Variants in CEP41 observed in about 807,000 individuals in gnomAD.
The protein encoded by CEP41 is centrosomal protein 41, also known as centrosomal protein of 41 kDa.
In CEP41, 32 loss-of-function variants were observed where a neutral mutation model predicts 44.3. That is an observed-to-expected ratio of 0.72 (90% CI 0.54 to 0.97). The LOEUF is 0.97. Among genes scored for constraint, CEP41 ranks in the 50% least tolerant of loss-of-function variants. The pLI is 0.00. For synonymous variants in CEP41, 151 were observed against 168.5 expected, an observed-to-expected ratio of 0.90 and a Z score of 0.80; for missense variants, 432 against 455.2, an observed-to-expected ratio of 0.95 and a Z score of 0.46.
At chr7:130,423,659 T>G (rs1554422740) in intron 2 of CEP41, among the ~76,000 whole-genome samples, 2 of 152,196 alleles carry the variant, frequency 1.3e-5, no homozygotes, top group Admixed American at 1.3e-4. Context: ...ACACATAAAT[T>G]TGTACACTGA....
chr7:130,419,850 G>A (rs1797448090), intron 2 of CEP41: 3 of 985,040 alleles, frequency 3.0e-6, no homozygotes, highest in Non-Finnish European at 3.6e-6. Flanking sequence ...TCCCTCCTCT[G>A]AGCCTCTATA....
intron 1 of CEP41, among the ~76,000 whole-genome samples, chr7:130,432,074 C>T (rs1554425224): frequency 6.6e-6 from 1 of 151,998 alleles, no homozygotes; most frequent in African/African-American, 2.4e-5. Context: ...GCCAATAGTG[C>T]CTAGGTTGGT....
intron 1 of CEP41, among the ~76,000 whole-genome samples, chr7:130,437,764 C>CAAAAAAAAAAAAAA (rs1171735164): frequency 3.1e-5 from 1 of 32,404 alleles, no homozygotes; most frequent in Non-Finnish European, 6.0e-5. Context: ...AAGACTGTCT[C>CAAAAAAAAAAAAAA]AAAAAAAAAA....
intron 3 of CEP41, among the ~76,000 whole-genome samples, chr7:130,414,268 C>A (rs1797270723): frequency 6.6e-6 from 1 of 152,300 alleles, no homozygotes; most frequent in South Asian, 2.1e-4. Flanking sequence ...AGGTAACAAA[C>A]CTATATGCAG....
intron 5 of CEP41, chr7:130,410,865 G>T: frequency 1.8e-6 from 1 of 543,754 alleles, no homozygotes; most frequent in East Asian, 3.2e-5. Context: ...AATATTTGTT[G>T]AAAAAAGTAA....
intron 6 of CEP41, among the ~76,000 whole-genome samples, chr7:130,403,940 ATCAG>A (rs1351363513): frequency 6.6e-6 from 1 of 152,200 alleles, no homozygotes; most frequent in Non-Finnish European, 1.5e-5. Flanking sequence ...GAACTATTTT[ATCAG>A]TCAAAGGGAT....
intron 2 of CEP41, among the ~76,000 whole-genome samples, chr7:130,423,293 C>T (rs782504916): frequency 6.6e-6 from 1 of 152,142 alleles, no homozygotes; most frequent in Non-Finnish European, 1.5e-5. Flanking sequence ...AATAACCCAA[C>T]ATAAATATGG....
At chr7:130,427,693 T>C (rs184591946) in intron 2 of CEP41, among the ~76,000 whole-genome samples, 1 of 152,336 alleles carries the variant, frequency 6.6e-6, no homozygotes, top group African/African-American at 2.4e-5. Context: ...TACTGAACAA[T>C]GGTTTTGATT....
Position 130,404,854 on chromosome 7 carries a change from TGTAGTGG to T in CEP41, c.278-153_278-147del. The T allele has an allele frequency of 4.2e-6, 3 of 719,224 alleles. No individual in the cohort carries two copies. In the South Asian group the frequency reaches 4.8e-5, roughly 11 times the overall value. 44.6% of individuals were successfully genotyped at this position (719,224 alleles called of 1,614,324 possible). A position where few individuals can be genotyped will look rare whatever the true frequency, so the allele number is the denominator to read the frequency against. ...AGTGCTAACGTACAAGTTCCCAAAG[TGTAGTGG>T]ACCCCAAACATCCCCAAGGCCCTTT... On this transcript the variant is annotated intron_variant, in intron 5 of 10. Transcript: ENST00000223208.
Position 130,404,623 on chromosome 7 carries a change from G to A in CEP41, c.363C>T (p.Ser121=). The stretch of plus-strand genomic sequence containing the variant: ...CTGCGTTGTTTATGAACTGCTCAGG[G>A]CTCGGCGACTGCTCACCTGGATTTC... ...GKGNPGEQSP[S]PEQFINNAGA... Residue 121 remains serine, a synonymous_variant, in exon 6 of 11, where the codon AGC becomes AGT. Coordinates refer to ENST00000223208, the MANE Select transcript of CEP41 (RefSeq NM_018718.3). 1.2e-6 allele frequency: 2 copies of A among 1,613,524 alleles called. No individual in the cohort carries two copies. Among genetic ancestry groups the A allele is most frequent in the East Asian group, 4.5e-5 (2 of 44,872 alleles).
intron 3 of CEP41, among the ~76,000 whole-genome samples, chr7:130,414,593 A>C (rs1295761747): frequency 6.6e-6 from 1 of 152,214 alleles, no homozygotes; most frequent in East Asian, 1.9e-4. Context: ...CAAAAAAAAG[A>C]CTGCTTTATT....
chr7:130,415,843 T>C (rs1353370332), intron 3 of CEP41, among the ~76,000 whole-genome samples: 1 of 152,160 alleles, frequency 6.6e-6, no homozygotes, highest in Non-Finnish European at 1.5e-5. Context: ...ATATATTTTA[T>C]ATAGATATTT....
At chr7:130,420,016 A>C (rs1797454796) in intron 2 of CEP41, 1 of 985,220 alleles carries the variant, frequency 1.0e-6, no homozygotes. Context: ...CATAGGAGAC[A>C]CTCAAAAATA....
chr7:130,410,589 A>C (rs1198351998), intron 5 of CEP41, among the ~76,000 whole-genome samples: 3 of 152,176 alleles, frequency 2.0e-5, no homozygotes, highest in South Asian at 2.1e-4. Context: ...CCTTCCTTCC[A>C]GAGTTTTTAA....
In CEP41 at chr7:130,395,901, A is replaced by C. The variant is rs1238770297; in HGVS notation, c.*2990T>G. The C allele has an allele frequency of 4.5e-6, 2 of 441,842 alleles. No homozygotes were observed. The highest frequency in any genetic ancestry group is 2.0e-5 in the African/African-American group (1 of 49,016). The allele number at this position is 441,842 out of a possible 1,614,324, so 27.4% of individuals were successfully genotyped here. ...AGGTTAAAAAAAAAAAAAAAGATAAAAGATAAAATGAATGCAGGCCATTTA... is the reference window on the plus strand; with the variant it reads ...AGGTTAAAAAAAAAAAAAAAGATAACAGATAAAATGAATGCAGGCCATTTA... On this transcript the variant is annotated 3_prime_UTR_variant, in exon 11 of 11. Transcript: ENST00000223208.
chr7:130,394,969 G>A lies in CEP41; in HGVS notation c.*3922C>T, dbSNP rs1397821937. ...GTTACACAGGTGAGAATTTGCTTCT[G>A]TACAGAACAAAGAGGATCAGCAACA... On this transcript the variant is annotated 3_prime_UTR_variant, in exon 11 of 11. Coordinates refer to ENST00000223208, the MANE Select transcript of CEP41 (RefSeq NM_018718.3). 1 of 453,990 alleles carries A rather than the reference G, an allele frequency of 2.2e-6. No homozygotes were observed. Among genetic ancestry groups the A allele is most frequent in the Non-Finnish European group, 4.4e-6 (1 of 226,796 alleles). The allele number at this position is 453,990 out of a possible 1,614,324, so 28.1% of individuals were successfully genotyped here.
intron 2 of CEP41, among the ~76,000 whole-genome samples, chr7:130,426,179 T>C (rs1554423429): frequency 1.3e-5 from 2 of 152,224 alleles, no homozygotes; most frequent in African/African-American, 2.4e-5. Flanking sequence ...CTCTGCATTA[T>C]TGTCTACAAA....
At chr7:130,413,287 G>A (rs557080382) in intron 3 of CEP41, among the ~76,000 whole-genome samples, 8 of 152,100 alleles carry the variant, frequency 5.3e-5, no homozygotes, top group African/African-American at 9.6e-5. Flanking sequence ...CAAAGCGTCC[G>A]GCCCCACCAT....
intron 3 of CEP41, among the ~76,000 whole-genome samples, chr7:130,413,863 T>C (rs1447058135): frequency 7.9e-5 from 12 of 152,212 alleles, no homozygotes; most frequent in African/African-American, 2.9e-4. Context: ...CCTCCTCACC[T>C]AGGTTTTTAT....
Sources: gnomAD v4.1 joint callset for allele counts (sites outside exome capture counted in the v4.1 genomes callset) on GRCh38, gnomAD v4.1.1 for gene constraint, MANE v1.5 for transcripts, NCBI Gene and HGNC (gene_info 2026-07-23, HGNC 2026-07-21) for gene names.